Variants in GPD2 observed in about 807,000 individuals in gnomAD.
GPD2 encodes glycerol-3-phosphate dehydrogenase 2, also known as glycerol-3-phosphate dehydrogenase, mitochondrial.
A neutral mutation model predicts 82.4 loss-of-function variants in GPD2; 54 were observed. The ratio of observed to expected loss-of-function variants is 0.66; its 90% CI spans 0.53 to 0.82. The LOEUF (loss-of-function observed/expected upper bound fraction) is 0.82, where lower values mean the gene tolerates loss of function less well. Ranked by LOEUF, GPD2 falls within the 40% of genes least tolerant of loss-of-function variation. The pLI, the probability that GPD2 is intolerant of heterozygous loss-of-function variation, is 0.00. For missense variants in GPD2, 748 were observed against 896.2 expected, an observed-to-expected ratio of 0.83 and a Z score of 2.11; for synonymous variants, 288 against 306.1, an observed-to-expected ratio of 0.94 and a Z score of 0.62.
At chr2:156,480,503 A>T (rs947025243) in intron 2 of GPD2, among the ~76,000 whole-genome samples, 4 of 151,938 alleles carry the variant, frequency 2.6e-5, no homozygotes, top group Non-Finnish European at 4.4e-5. Context: ...TGATGTGATG[A>T]TGTAGGCTTT....
chr2:156,451,139 C>G (rs1375558019), intron 1 of GPD2, among the ~76,000 whole-genome samples: 1 of 151,476 alleles, frequency 6.6e-6, no homozygotes, highest in African/African-American at 2.4e-5. Context: ...TCCACAAAAC[C>G]GCCATTGTCA....
chr2:156,484,612 G>A (rs1007356162), intron 2 of GPD2, among the ~76,000 whole-genome samples: 3 of 152,094 alleles, frequency 2.0e-5, no homozygotes, highest in Non-Finnish European at 4.4e-5. Flanking sequence ...GGCTGAGGCA[G>A]GTGGATCACC....
upstream of GPD2, chr2:156,435,762 T>A (rs1207031966): frequency 6.6e-6 from 1 of 151,626 alleles, no homozygotes; most frequent in Non-Finnish European, 1.5e-5. Context: ...AGGTACAGAG[T>A]AGGAGAAGCC....
chr2:156,443,073 A>G (rs1420867642), intron 1 of GPD2, among the ~76,000 whole-genome samples: 2 of 152,166 alleles, frequency 1.3e-5, no homozygotes, highest in African/African-American at 2.4e-5. Flanking sequence ...GGAATTCCCT[A>G]CTGTTGTCCC....
chr2:156,414,427 C>T, the GPD2 span, among the ~76,000 whole-genome samples: 5 of 152,102 alleles, frequency 3.3e-5, no homozygotes, highest in South Asian at 2.1e-4. Flanking sequence ...TGAGGTCAAA[C>T]GTTCACATTA....
chr2:156,404,609 G>A, the GPD2 span, among the ~76,000 whole-genome samples: 9 of 150,812 alleles, frequency 6.0e-5, no homozygotes, highest in Non-Finnish European at 1.2e-4. Flanking sequence ...GGGAGGCCGA[G>A]GTGAGTGGAT....
chr2:156,562,901 T>C (rs1423555325), intron 9 of GPD2, among the ~76,000 whole-genome samples: 1 of 152,222 alleles, frequency 6.6e-6, no homozygotes, highest in Non-Finnish European at 1.5e-5. Flanking sequence ...AGTATTTTAC[T>C]TTAATATTGC....
intron 1 of GPD2, among the ~76,000 whole-genome samples, chr2:156,454,563 C>G (rs1230597474): frequency 6.6e-6 from 1 of 151,760 alleles, no homozygotes; most frequent in Non-Finnish European, 1.5e-5. Context: ...TATTAGTGTT[C>G]AGCATCTGAA....
At chr2:156,459,218 A>G (rs1682894241) in intron 1 of GPD2, among the ~76,000 whole-genome samples, 1 of 152,112 alleles carries the variant, frequency 6.6e-6, no homozygotes. Flanking sequence ...CTTTATTATG[A>G]TTCTTTTCAG....
intron 8 of GPD2, among the ~76,000 whole-genome samples, chr2:156,554,386 G>A (rs1425743135): frequency 1.3e-5 from 2 of 152,210 alleles, no homozygotes; most frequent in East Asian, 3.8e-4. Flanking sequence ...AATGCAGTGA[G>A]TTCAGCAAGC....
At chr2:156,548,639 A>G (rs547477686) in intron 6 of GPD2, among the ~76,000 whole-genome samples, 1 of 152,204 alleles carries the variant, frequency 6.6e-6, no homozygotes, top group African/African-American at 2.4e-5. Context: ...TGCATAAACC[A>G]TTTATACTAA....
intron 9 of GPD2, among the ~76,000 whole-genome samples, chr2:156,568,145 A>G (rs1298356454): frequency 6.6e-6 from 1 of 152,156 alleles, no homozygotes; most frequent in Non-Finnish European, 1.5e-5. Flanking sequence ...ATGCTGTTTT[A>G]CCATATATAA....
intron 13 of GPD2, among the ~76,000 whole-genome samples, chr2:156,578,032 A>C (rs1030206896): frequency 6.6e-6 from 1 of 152,188 alleles, no homozygotes; most frequent in African/African-American, 2.4e-5. Flanking sequence ...GTGTGTGTGT[A>C]GCATAATATA....
At chr2:156,444,749 TTTTA>T (rs1682301561) in intron 1 of GPD2, among the ~76,000 whole-genome samples, 2 of 116,274 alleles carry the variant, frequency 1.7e-5, no homozygotes, top group Admixed American at 1.7e-4. Flanking sequence ...ACTAACATAA[TTTTA>T]TTTATTATTA....
chr2:156,446,402 A>T (rs965949442), intron 1 of GPD2, among the ~76,000 whole-genome samples: 4 of 152,024 alleles, frequency 2.6e-5, no homozygotes, highest in Admixed American at 6.6e-5. Flanking sequence ...GGCCTTAAAC[A>T]CATAATCTTG....
At chr2:156,524,547 C>CT (rs1033643260) in intron 6 of GPD2, among the ~76,000 whole-genome samples, 6 of 152,114 alleles carry the variant, frequency 3.9e-5, no homozygotes, top group African/African-American at 1.4e-4. Context: ...CTAGCTTGGA[C>CT]TTTTTCACAG....
At chr2:156,416,443 G>C in the GPD2 span, among the ~76,000 whole-genome samples, 35 of 151,300 alleles carry the variant, frequency 2.3e-4, no homozygotes, top group African/African-American at 7.0e-4. Flanking sequence ...GACTTCTCAG[G>C]CTCCAGGTAT....
intron 2 of GPD2, among the ~76,000 whole-genome samples, chr2:156,493,407 G>A (rs899042733): frequency 6.6e-6 from 1 of 152,088 alleles, no homozygotes; most frequent in Non-Finnish European, 1.5e-5. Flanking sequence ...GGAATTTTTA[G>A]GATAGTTGTT....
upstream of GPD2, among the ~76,000 whole-genome samples, chr2:156,433,048 A>G (rs1221424812): frequency 6.6e-6 from 1 of 152,148 alleles, no homozygotes; most frequent in Non-Finnish European, 1.5e-5. Flanking sequence ...TAGTGAAACC[A>G]CCTTTGCAAA....
Sources: allele counts gnomAD v4.1 joint callset (sites outside exome capture counted in the v4.1 genomes callset), GRCh38; gene constraint gnomAD v4.1.1; transcripts MANE v1.5; gene names NCBI Gene and HGNC (gene_info 2026-07-23, HGNC 2026-07-21).